Variants in SLC35F1 observed in about 807,000 individuals in gnomAD.
The protein encoded by SLC35F1 is solute carrier family 35 member F1.
In SLC35F1, 14 loss-of-function variants were observed where a neutral mutation model predicts 48.7. The ratio of observed to expected loss-of-function variants is 0.29; its 90% CI spans 0.19 to 0.45. SLC35F1 has a LOEUF of 0.45. Ranked by LOEUF, SLC35F1 falls within the 20% of genes least tolerant of loss-of-function variation. SLC35F1 has a pLI of 1.00. For missense variants in SLC35F1, 404 were observed against 500.0 expected (o/e 0.81, Z 1.83); for synonymous variants, 190 against 202.2 (o/e 0.94, Z 0.51).
At chr6:118,163,591 G>A (rs1455255622) in intron 2 of SLC35F1, among the ~76,000 whole-genome samples, 2 of 152,208 alleles carry the variant, frequency 1.3e-5, no homozygotes, top group Admixed American at 1.3e-4. Flanking sequence ...CATGTTGACT[G>A]TTAATTCTGG....
At chr6:118,286,799 GTGTGTT>G (rs1427496433) in intron 7 of SLC35F1, among the ~76,000 whole-genome samples, 1 of 134,858 alleles carries the variant, frequency 7.4e-6, no homozygotes, top group Non-Finnish European at 1.6e-5. Context: ...GTGTGTGTGT[GTGTGTT>G]TGTGTGTGTG....
intron 1 of SLC35F1, among the ~76,000 whole-genome samples, chr6:118,001,555 C>G (rs992689799): frequency 6.6e-6 from 1 of 152,052 alleles, no homozygotes; most frequent in Admixed American, 6.6e-5. Context: ...GACTTCATGT[C>G]TAAAACACCA....
chr6:117,919,350 C>A (rs1775867187), intron 1 of SLC35F1, among the ~76,000 whole-genome samples: 1 of 152,092 alleles, frequency 6.6e-6, no homozygotes, highest in Non-Finnish European at 1.5e-5. Flanking sequence ...TAAAATAATT[C>A]TAGTTTTTCA....
intron 2 of SLC35F1, among the ~76,000 whole-genome samples, chr6:118,184,503 C>T (rs1411722951): frequency 6.6e-6 from 1 of 152,192 alleles, no homozygotes; most frequent in Admixed American, 6.5e-5. Context: ...CCTGCTTCTC[C>T]CTTTCAGTCC....
intron 3 of SLC35F1, among the ~76,000 whole-genome samples, chr6:118,255,414 A>G (rs531168986): frequency 2.6e-5 from 4 of 152,322 alleles, no homozygotes; most frequent in Admixed American, 1.3e-4. Context: ...AAAGGCTTTG[A>G]TGATACCCGA....
chr6:118,194,195 A>G (rs1285653594), intron 2 of SLC35F1, among the ~76,000 whole-genome samples: 3 of 152,178 alleles, frequency 2.0e-5, no homozygotes, highest in Non-Finnish European at 4.4e-5. Context: ...TCCTTAGAGG[A>G]ATAGGGCCAG....
intron 1 of SLC35F1, among the ~76,000 whole-genome samples, chr6:117,921,499 A>T (rs1433821342): frequency 6.6e-6 from 1 of 152,186 alleles, no homozygotes; most frequent in Non-Finnish European, 1.5e-5. Context: ...TTCAGGCAAA[A>T]TTCTTCTATT....
intron 1 of SLC35F1, among the ~76,000 whole-genome samples, chr6:117,959,430 G>T: frequency 6.6e-6 from 1 of 152,122 alleles, no homozygotes; most frequent in Non-Finnish European, 1.5e-5. Flanking sequence ...CATGTTACAA[G>T]GGCCTTTTGA....
At chr6:118,058,537 A>C (rs1418767753) in intron 1 of SLC35F1, among the ~76,000 whole-genome samples, 2 of 152,170 alleles carry the variant, frequency 1.3e-5, no homozygotes, top group African/African-American at 4.8e-5. Flanking sequence ...TAAAGTTAGA[A>C]GTGCTTAGAG....
intron 1 of SLC35F1, among the ~76,000 whole-genome samples, chr6:118,085,953 T>A (rs1389891170): frequency 1.3e-5 from 2 of 152,050 alleles, no homozygotes; most frequent in East Asian, 3.9e-4. Flanking sequence ...CTTGAGTTCA[T>A]GAAAAATATG....
chr6:118,073,595 G>A (rs535933260), intron 1 of SLC35F1, among the ~76,000 whole-genome samples: 4 of 152,276 alleles, frequency 2.6e-5, no homozygotes, highest in African/African-American at 9.6e-5. Flanking sequence ...GGTATACCAT[G>A]AGTAAGTCTG....
chr6:118,151,778 G>A (rs1197726645), intron 1 of SLC35F1, among the ~76,000 whole-genome samples: 1 of 152,098 alleles, frequency 6.6e-6, no homozygotes, highest in Admixed American at 6.6e-5. Context: ...TAGCCTCCCA[G>A]AGTGTTGGGA....
intron 1 of SLC35F1, among the ~76,000 whole-genome samples, chr6:118,115,759 G>A (rs1276949371): frequency 5.3e-5 from 8 of 152,090 alleles, no homozygotes. Context: ...TGCCATCTGA[G>A]GCCTTATGTA....
chr6:118,300,413 A>G (rs1776242412), intron 7 of SLC35F1, among the ~76,000 whole-genome samples: 1 of 152,204 alleles, frequency 6.6e-6, no homozygotes, highest in East Asian at 1.9e-4. Flanking sequence ...CTATACTTGT[A>G]TTTCATGTTC....
At chr6:118,086,978 C>T (rs12212975) in intron 1 of SLC35F1, among the ~76,000 whole-genome samples, 56,758 of 151,974 alleles carry the variant, frequency 0.37, 10,971 homozygotes, top group East Asian at 0.45. Flanking sequence ...GCCTGATCTA[C>T]ATGTTTGGTC....
chr6:117,940,367 G>A (rs1321910770), intron 1 of SLC35F1, among the ~76,000 whole-genome samples: 1 of 152,138 alleles, frequency 6.6e-6, no homozygotes, highest in Non-Finnish European at 1.5e-5. Flanking sequence ...TACTAGGACT[G>A]TCTGTACGTG....
At chr6:118,019,364 A>T (rs191797615) in intron 1 of SLC35F1, among the ~76,000 whole-genome samples, 2 of 152,282 alleles carry the variant, frequency 1.3e-5, no homozygotes, top group East Asian at 3.9e-4. Flanking sequence ...GTGAATAAAC[A>T]GTACTAAGAT....
rs957151743 is a variant in SLC35F1, at chr6:118,135,050, C to T, written c.174-19395C>T. Among the ~76,000 whole-genome samples, 4 of 152,140 alleles carry T rather than the reference C, an allele frequency of 2.6e-5. No individual in the cohort carries two copies. In the East Asian group the frequency reaches 5.8e-4, roughly 22 times the overall value. On this transcript the variant is annotated intron_variant, in intron 1 of 7. Coordinates refer to ENST00000360388, the MANE Select transcript of SLC35F1 (RefSeq NM_001029858.4). ...ACAGAATTCAAGAACAAGGACGTCA[C>T]GTTTCTATGGGCTTATGAGTAAAAC...
chr6:117,967,046 A>G (rs1260414506), intron 1 of SLC35F1, among the ~76,000 whole-genome samples: 4 of 152,178 alleles, frequency 2.6e-5, no homozygotes, highest in Non-Finnish European at 4.4e-5. Flanking sequence ...GAAATAGCCC[A>G]CTCAATATTC....
Sources: gnomAD v4.1 joint callset for allele counts (sites outside exome capture counted in the v4.1 genomes callset) on GRCh38, gnomAD v4.1.1 for gene constraint, MANE v1.5 for transcripts, NCBI Gene and HGNC (gene_info 2026-07-23, HGNC 2026-07-21) for gene names.